Variants in MCC observed in about 807,000 individuals in gnomAD.
The protein encoded by MCC is MCC regulator of Wnt signaling pathway.
Under a neutral mutation model 116.2 loss-of-function variants are expected in MCC, and 90 were observed. The ratio of observed to expected loss-of-function variants is 0.77; its 90% CI spans 0.65 to 0.92. MCC has a LOEUF of 0.92. Ranked by LOEUF, MCC falls within the 40% of genes least tolerant of loss-of-function variation. The pLI, the probability that MCC is intolerant of heterozygous loss-of-function variation, is 0.00. For synonymous variants in MCC, 578 were observed against 510.5 expected (o/e 1.13, Z -1.78); for missense variants, 1,516 against 1,312.2 (o/e 1.16, Z -2.40).
intron 16 of MCC, chr5:113,044,642 T>C (rs1187969690): frequency 5.7e-6 from 1 of 176,926 alleles, no homozygotes; most frequent in African/African-American, 2.4e-5. Flanking sequence ...TGGCGTGATC[T>C]TGGCTCACTA....
intron 1 of MCC, among the ~76,000 whole-genome samples, chr5:113,443,107 G>A (rs1354214308): frequency 2.0e-5 from 3 of 152,128 alleles, no homozygotes; most frequent in African/African-American, 7.2e-5. Context: ...CCATTTTCAC[G>A]ATATTGATTC....
At chr5:113,427,040 T>A (rs895021296) in intron 1 of MCC, among the ~76,000 whole-genome samples, 1 of 152,194 alleles carries the variant, frequency 6.6e-6, no homozygotes, top group African/African-American at 2.4e-5. Flanking sequence ...CTAATTGATA[T>A]ATTTTTTCTA....
At chr5:113,091,794 A>T (rs1404743730) in intron 8 of MCC, among the ~76,000 whole-genome samples, 2 of 152,052 alleles carry the variant, frequency 1.3e-5, no homozygotes, top group Non-Finnish European at 2.9e-5. Context: ...CTGAGGTGGG[A>T]GGATTGCTTG....
chr5:113,418,017 T>C (rs1009139357), intron 1 of MCC, among the ~76,000 whole-genome samples: 7 of 152,226 alleles, frequency 4.6e-5, no homozygotes, highest in African/African-American at 1.4e-4. Flanking sequence ...ACTTAAATAC[T>C]ACAGAATTTA....
At chr5:113,248,684 G>C (rs569103142) in intron 3 of MCC, among the ~76,000 whole-genome samples, 2 of 152,238 alleles carry the variant, frequency 1.3e-5, no homozygotes, top group African/African-American at 4.8e-5. Flanking sequence ...CACCAAGAAG[G>C]GTCTTGAATA....
At chr5:113,291,235 T>C (rs1766483401) in intron 3 of MCC, among the ~76,000 whole-genome samples, 1 of 152,172 alleles carries the variant, frequency 6.6e-6, no homozygotes, top group African/African-American at 2.4e-5. Context: ...CCTAATTGTG[T>C]ATCCCTCGCA....
chr5:113,048,982 T>C (rs770997906), intron 16 of MCC, 111 bp downstream of exon 16: 19 of 994,208 alleles, frequency 1.9e-5, no homozygotes, highest in Non-Finnish European at 2.5e-5. Flanking sequence ...GCATTTCCTA[T>C]GCAAATACAA....
At chr5:113,130,045 T>C (rs1051168520) in intron 5 of MCC, among the ~76,000 whole-genome samples, 3 of 152,242 alleles carry the variant, frequency 2.0e-5, no homozygotes, top group Non-Finnish European at 2.9e-5. Context: ...TGTATGTTTA[T>C]TGTGGCACTA....
At chr5:113,408,573 T>C (rs1165329820) in intron 1 of MCC, among the ~76,000 whole-genome samples, 1 of 152,160 alleles carries the variant, frequency 6.6e-6, no homozygotes, top group Non-Finnish European at 1.5e-5. Context: ...TAAAATGTAG[T>C]CGTGAGACCA....
chr5:113,382,596 T>A (rs933493850), intron 2 of MCC, among the ~76,000 whole-genome samples: 1 of 152,174 alleles, frequency 6.6e-6, no homozygotes, highest in Non-Finnish European at 1.5e-5. Flanking sequence ...TACGTTAGGC[T>A]GAATAGGGAG....
In MCC at chr5:113,022,451, A is replaced by G. The variant is rs1750208059; in HGVS notation, c.*4851T>C. On this transcript the variant is annotated 3_prime_UTR_variant, in exon 19 of 19. Transcript: ENST00000408903. Reference sequence around the variant, plus strand: ...AATTCAAGTGTATAGCACATATTCAAATAATAGGAAACAAATCTCATGCAA... The same window carrying G: ...AATTCAAGTGTATAGCACATATTCAGATAATAGGAAACAAATCTCATGCAA... 1 of 152,662 alleles carries G rather than the reference A, an allele frequency of 6.6e-6. No individual in the cohort carries two copies. The highest frequency in any genetic ancestry group is 1.5e-5 in the Non-Finnish European group (1 of 68,048). The allele number at this position is 152,662 out of a possible 1,614,324, so 9.5% of individuals were successfully genotyped here.
chr5:113,163,063 A>T (rs1185980095), intron 3 of MCC, among the ~76,000 whole-genome samples: 1 of 152,068 alleles, frequency 6.6e-6, no homozygotes, highest in Non-Finnish European at 1.5e-5. Flanking sequence ...GCAGGCAAAC[A>T]CATTCATCCT....
chr5:113,466,635 T>A (rs1771917479), intron 1 of MCC, among the ~76,000 whole-genome samples: 2 of 152,028 alleles, frequency 1.3e-5, no homozygotes, highest in Non-Finnish European at 1.5e-5. Flanking sequence ...ATAGTGCTGC[T>A]ATAAACATAC....
At chr5:113,092,103 T>C (rs577068611) in intron 8 of MCC, among the ~76,000 whole-genome samples, 173 of 152,280 alleles carry the variant, frequency 1.1e-3, no homozygotes, top group African/African-American at 4.0e-3. Context: ...TAGAATATTG[T>C]GGTAGGCTGA....
intron 15 of MCC, among the ~76,000 whole-genome samples, chr5:113,052,848 C>G (rs1752575330): frequency 6.6e-6 from 1 of 152,172 alleles, no homozygotes; most frequent in Non-Finnish European, 1.5e-5. Context: ...CTTCTGGTGA[C>G]CAGCCCACAT....
At chr5:113,349,239 C>T (rs892072938) in intron 2 of MCC, among the ~76,000 whole-genome samples, 3 of 151,878 alleles carry the variant, frequency 2.0e-5, no homozygotes, top group African/African-American at 7.2e-5. Flanking sequence ...CAGAAAAAGA[C>T]ACATCAAAAA....
intron 11 of MCC, among the ~76,000 whole-genome samples, chr5:113,073,350 G>A (rs1348674814): frequency 6.6e-6 from 1 of 152,228 alleles, no homozygotes; most frequent in African/African-American, 2.4e-5. Context: ...CACAAAGATT[G>A]TGCTGCTTCC....
chr5:113,261,666 A>G (rs1765224830), intron 3 of MCC, among the ~76,000 whole-genome samples: 1 of 152,360 alleles, frequency 6.6e-6, no homozygotes, highest in Middle Eastern at 3.4e-3. Context: ...CATTCAGTTT[A>G]ACTGACACAA....
At chr5:113,282,005 G>A (rs1244195834) in intron 3 of MCC, among the ~76,000 whole-genome samples, 1 of 152,102 alleles carries the variant, frequency 6.6e-6, no homozygotes, top group Non-Finnish European at 1.5e-5. Context: ...TATGTCACTG[G>A]CCTTCACAAC....
Sources: allele counts gnomAD v4.1 joint callset (sites outside exome capture counted in the v4.1 genomes callset), GRCh38; gene constraint gnomAD v4.1.1; transcripts MANE v1.5; gene names NCBI Gene and HGNC (gene_info 2026-07-23, HGNC 2026-07-21).